The following REPS2 variants were observed in gnomAD, a reference collection of about 807,000 sequenced individuals.
The protein encoded by REPS2 is ralBP1-associated Eps domain-containing protein 2.
A neutral mutation model predicts 53.6 loss-of-function variants in REPS2; 23 were observed. That is an observed-to-expected ratio of 0.43 (90% confidence interval 0.31 to 0.61). The LOEUF (loss-of-function observed/expected upper bound fraction) is 0.61. REPS2 is among the 20% of genes least tolerant of loss of function. The pLI is 0.11. For synonymous variants in REPS2, 238 were observed against 218.6 expected, an observed-to-expected ratio of 1.09 and a Z score of -0.78; for missense variants, 446 against 534.9, an observed-to-expected ratio of 0.83 and a Z score of 1.64.
At chrX:17,059,481 T>A (rs1200287822) in intron 8 of REPS2, among the ~76,000 whole-genome samples, 19 of 109,905 alleles carry the variant, frequency 1.7e-4, no homozygotes, top group African/African-American at 6.3e-4. Context: ...AATAATTTTT[T>A]TTTTGAGATG....
chrX:17,099,966 G>A (rs996251102), intron 13 of REPS2: 7 of 1,161,458 alleles, frequency 6.0e-6, no homozygotes, highest in South Asian at 1.8e-5. Flanking sequence ...AATCTGCTCC[G>A]GCTCCAAACC....
intron 1 of REPS2, among the ~76,000 whole-genome samples, chrX:16,951,482 A>G (rs762546502): frequency 2.5e-4 from 26 of 103,768 alleles, no homozygotes; most frequent in Non-Finnish European, 4.7e-4. Flanking sequence ...AGCCTGGGCA[A>G]GATGGCAAAA....
At chrX:17,160,957 G>A in the REPS2 span, among the ~76,000 whole-genome samples, 339 of 112,121 alleles carry the variant, frequency 3.0e-3, 1 homozygote, top group African/African-American at 0.01. Flanking sequence ...CAGATGGAGA[G>A]GAATTGTGCC....
chrX:17,153,345 A>G (rs777273604), downstream of REPS2: 1 of 112,472 alleles, frequency 8.9e-6, no homozygotes, highest in African/African-American at 3.2e-5. Context: ...AATGAAAATG[A>G]TGGGAAAAGG....
chrX:17,146,153 C>A (rs775713836), intron 17 of REPS2, among the ~76,000 whole-genome samples: 1 of 109,368 alleles, frequency 9.1e-6, no homozygotes, highest in Admixed American at 9.7e-5. Flanking sequence ...AATGCCATCC[C>A]CGCTACATTT....
chrX:17,041,540 C>G (rs988679762), intron 5 of REPS2, among the ~76,000 whole-genome samples: 2 of 112,277 alleles, frequency 1.8e-5, no homozygotes, highest in Non-Finnish European at 3.8e-5. Flanking sequence ...CACATCTTTG[C>G]TAATGAGATC....
intron 14 of REPS2, among the ~76,000 whole-genome samples, chrX:17,123,842 C>T (rs748535143): frequency 1.8e-5 from 2 of 112,263 alleles, no homozygotes; most frequent in East Asian, 5.6e-4. Flanking sequence ...ATTTTCTCAG[C>T]CTAGGTTTTC....
chrX:17,177,464 G>T, the REPS2 span, among the ~76,000 whole-genome samples: 1 of 111,683 alleles, frequency 9.0e-6, no homozygotes, highest in African/African-American at 3.3e-5. Context: ...AACATAGAGG[G>T]GCTCATTACC....
intron 1 of REPS2, among the ~76,000 whole-genome samples, chrX:16,965,953 T>C (rs923329632): frequency 1.9e-4 from 21 of 112,056 alleles, no homozygotes; most frequent in African/African-American, 6.8e-4. Flanking sequence ...ACCAAAAAAA[T>C]ACGAAAACCA....
At chrX:17,089,545 A>T (rs1289810252) in intron 13 of REPS2, among the ~76,000 whole-genome samples, 2 of 111,842 alleles carry the variant, frequency 1.8e-5, no homozygotes, top group East Asian at 5.6e-4. Flanking sequence ...GTTAATCCCC[A>T]TGCCCAGCCC....
chrX:17,059,332 C>G (rs1439180136), intron 8 of REPS2, among the ~76,000 whole-genome samples: 5 of 106,116 alleles, frequency 4.7e-5, no homozygotes, highest in Non-Finnish European at 9.7e-5. Flanking sequence ...TTAACTCTTA[C>G]CTTTTTCCAA....
intron 1 of REPS2, among the ~76,000 whole-genome samples, chrX:16,989,287 C>T (rs764144756): frequency 2.4e-4 from 26 of 108,905 alleles, no homozygotes; most frequent in Non-Finnish European, 3.4e-4. Flanking sequence ...AAATAGTACA[C>T]GTTATATGAA....
At chrX:17,047,825 G>A (rs150644850) in intron 6 of REPS2, among the ~76,000 whole-genome samples, 238 of 112,877 alleles carry the variant, frequency 2.1e-3, no homozygotes, top group Non-Finnish European at 3.5e-3. Context: ...AGGACAGAAT[G>A]TGGCCTCCTA....
intron 1 of REPS2, among the ~76,000 whole-genome samples, chrX:16,988,501 A>C (rs1230108061): frequency 8.9e-6 from 1 of 111,933 alleles, no homozygotes; most frequent in African/African-American, 3.2e-5. Flanking sequence ...ATTTACATTC[A>C]CTCAAAAAAT....
intron 5 of REPS2, among the ~76,000 whole-genome samples, chrX:17,038,228 A>T (rs1342270505): frequency 8.9e-6 from 1 of 112,356 alleles, no homozygotes; most frequent in Non-Finnish European, 1.9e-5. Context: ...GCCTTAAAAC[A>T]TGGTACCATG....
intron 1 of REPS2, among the ~76,000 whole-genome samples, chrX:16,985,944 A>G (rs2061085748): frequency 8.9e-6 from 1 of 112,169 alleles, no homozygotes; most frequent in Non-Finnish European, 1.9e-5. Context: ...AATTTTATTC[A>G]TTATCAATCT....
intron 13 of REPS2, among the ~76,000 whole-genome samples, chrX:17,083,107 A>G: frequency 1.2e-5 from 1 of 83,924 alleles, no homozygotes; most frequent in African/African-American, 4.9e-5. Context: ...TTTTGAGATG[A>G]AGTCTCGTTC....
the REPS2 span, among the ~76,000 whole-genome samples, chrX:17,177,869 T>A: frequency 1.8e-5 from 2 of 111,537 alleles, no homozygotes; most frequent in African/African-American, 6.5e-5. Flanking sequence ...GAAGTTGCCC[T>A]GGATCTCGGC....
intron 1 of REPS2, among the ~76,000 whole-genome samples, chrX:16,990,097 C>T (rs1429041177): frequency 8.9e-6 from 1 of 112,032 alleles, no homozygotes; most frequent in Non-Finnish European, 1.9e-5. Flanking sequence ...GAATACTACC[C>T]AGCAGTAAAA....
Sources: gnomAD v4.1 joint callset for allele counts (sites outside exome capture counted in the v4.1 genomes callset) on GRCh38, gnomAD v4.1.1 for gene constraint, MANE v1.5 for transcripts, NCBI Gene and HGNC (gene_info 2026-07-23, HGNC 2026-07-21) for gene names.